Variants in CNTN4 observed in about 807,000 individuals in gnomAD.
CNTN4 encodes contactin 4.
A neutral mutation model predicts 122.5 loss-of-function variants in CNTN4; 77 were observed. The ratio of observed to expected loss-of-function variants is 0.63; its 90% CI spans 0.52 to 0.76. The LOEUF (loss-of-function observed/expected upper bound fraction) is 0.76. CNTN4 is among the 30% of genes least tolerant of loss of function. CNTN4 has a pLI of 0.00. For synonymous variants in CNTN4, 512 were observed against 447.0 expected, an observed-to-expected ratio of 1.15 and a Z score of -1.83; for missense variants, 1,256 against 1,259.1, an observed-to-expected ratio of 1.00 and a Z score of 0.04.
At chr3:2,689,879 A>T (rs1221983936) in intron 4 of CNTN4, among the ~76,000 whole-genome samples, 3 of 152,000 alleles carry the variant, frequency 2.0e-5, no homozygotes, top group African/African-American at 7.3e-5. Context: ...TGTTTCACAT[A>T]TATTCTTTAT....
At chr3:2,844,434 T>G (rs531574666) in intron 7 of CNTN4, among the ~76,000 whole-genome samples, 192 of 152,348 alleles carry the variant, frequency 1.3e-3, no homozygotes, top group African/African-American at 4.4e-3. Flanking sequence ...TGCAGTAGGC[T>G]GCTTTGGGGT....
At chr3:2,856,033 G>A (rs954954447) in intron 7 of CNTN4, among the ~76,000 whole-genome samples, 5 of 152,024 alleles carry the variant, frequency 3.3e-5, no homozygotes, top group African/African-American at 9.7e-5. Flanking sequence ...ATTTACAAGC[G>A]ACTTCTTTCT....
chr3:2,979,378 G>C (rs1213477882), intron 13 of CNTN4, among the ~76,000 whole-genome samples: 1 of 152,122 alleles, frequency 6.6e-6, no homozygotes, highest in African/African-American at 2.4e-5. Context: ...GAAGAGAAAA[G>C]AGAGAGAAAA....
At chr3:2,599,324 G>A (rs2080919103) in intron 4 of CNTN4, among the ~76,000 whole-genome samples, 1 of 152,194 alleles carries the variant, frequency 6.6e-6, no homozygotes, top group Non-Finnish European at 1.5e-5. Flanking sequence ...AAATGGTGAA[G>A]AAAGAATTTA....
chr3:2,707,788 C>T, intron 4 of CNTN4, among the ~76,000 whole-genome samples: 1 of 152,160 alleles, frequency 6.6e-6, no homozygotes, highest in Non-Finnish European at 1.5e-5. Context: ...CACATACCAC[C>T]ACACCTGGCT....
intron 14 of CNTN4, among the ~76,000 whole-genome samples, chr3:3,021,326 T>C (rs1698270100): frequency 1.3e-5 from 2 of 152,326 alleles, no homozygotes; most frequent in South Asian, 2.1e-4. Flanking sequence ...AATTCATCCG[T>C]AGAGATGCTA....
At chr3:2,188,857 A>G (rs566049840) in intron 2 of CNTN4, among the ~76,000 whole-genome samples, 87 of 152,270 alleles carry the variant, frequency 5.7e-4, no homozygotes, top group African/African-American at 2.1e-3. Flanking sequence ...AACAGCTACC[A>G]CAGACTAAGA....
chr3:2,701,597 G>A (rs751507890), intron 4 of CNTN4, among the ~76,000 whole-genome samples: 14 of 152,152 alleles, frequency 9.2e-5, no homozygotes, highest in East Asian at 7.7e-4. Flanking sequence ...TGGGGACAGC[G>A]CATGCGTAGC....
chr3:2,259,595 C>T (rs1412084115), intron 2 of CNTN4, among the ~76,000 whole-genome samples: 3 of 152,170 alleles, frequency 2.0e-5, no homozygotes, highest in African/African-American at 7.2e-5. Flanking sequence ...TCTTACATGG[C>T]TGCAGGCAAG....
intron 2 of CNTN4, among the ~76,000 whole-genome samples, chr3:2,191,493 C>G (rs1250834165): frequency 6.6e-6 from 1 of 152,042 alleles, no homozygotes; most frequent in African/African-American, 2.4e-5. Flanking sequence ...TGACCAGAGA[C>G]CTCTCAAACC....
intron 3 of CNTN4, among the ~76,000 whole-genome samples, chr3:2,450,419 G>A (rs572476113): frequency 5.3e-5 from 8 of 151,780 alleles, no homozygotes; most frequent in Non-Finnish European, 1.0e-4. Flanking sequence ...TGCCAGTCAG[G>A]TGTGTGTATA....
intron 2 of CNTN4, among the ~76,000 whole-genome samples, chr3:2,202,417 G>A (rs1214205678): frequency 1.3e-5 from 2 of 151,804 alleles, no homozygotes; most frequent in African/African-American, 4.8e-5. Flanking sequence ...ACTTGGGCAA[G>A]TCATTTACCT....
chr3:2,474,208 A>G (rs1301998853), intron 3 of CNTN4, among the ~76,000 whole-genome samples: 1 of 151,834 alleles, frequency 6.6e-6, no homozygotes, highest in Non-Finnish European at 1.5e-5. Flanking sequence ...GCATTTCATC[A>G]CATATATCGT....
Position 2,932,897 on chromosome 3 carries a change from C to A in CNTN4, c.1358+7118C>A, listed in dbSNP as rs528773980. ...GAGGGCAGTGGCGCGATCTCGGCTC[C>A]CTGCGAGCTCCGCCTCCCGGGTTCA... On this transcript the variant is annotated intron_variant, in intron 13 of 24. Transcript: ENST00000418658. Among the ~76,000 whole-genome samples, 105 of 152,104 alleles carry A rather than the reference C, an allele frequency of 6.9e-4. 1 individual carries two copies. Among genetic ancestry groups the A allele is most frequent in the Non-Finnish European group, 1.2e-3 (82 of 68,008 alleles).
chr3:2,468,228 A>T (rs947566194), intron 3 of CNTN4, among the ~76,000 whole-genome samples: 1 of 152,212 alleles, frequency 6.6e-6, no homozygotes, highest in Non-Finnish European at 1.5e-5. Flanking sequence ...AATAACAAAC[A>T]ATTTTAATGC....
chr3:3,043,645 A>T lies in CNTN4; in HGVS notation c.2752A>T (p.Ile918Phe). 1 of 1,614,126 alleles carries T rather than the reference A, an allele frequency of 6.2e-7. No individual in the cohort carries two copies. The highest frequency in any genetic ancestry group is 8.5e-7 in the Non-Finnish European group (1 of 1,179,954). The part of the protein sequence containing the change: ...IIWNSSDSKI[I>F]LNWDQVKALD... Reference sequence around the variant, plus strand: ...ATGGAATTCATCAGACTCCAAAATTATCCTGAATTGGGATCAAGTGAAGGC... The same window carrying T: ...ATGGAATTCATCAGACTCCAAAATTTTCCTGAATTGGGATCAAGTGAAGGC... The change falls in exon 23 of 25, where the codon ATC becomes TTC. Residue 918 changes from isoleucine to phenylalanine, a missense_variant. Transcript: ENST00000418658.
At chr3:2,176,567 G>A (rs982413732) in intron 2 of CNTN4, among the ~76,000 whole-genome samples, 3 of 152,094 alleles carry the variant, frequency 2.0e-5, no homozygotes, top group African/African-American at 7.2e-5. Context: ...AACAGTTCTA[G>A]TGGTATGCAC....
chr3:2,704,094 C>CA (rs1455495509), intron 4 of CNTN4, among the ~76,000 whole-genome samples: 1 of 151,458 alleles, frequency 6.6e-6, no homozygotes. Context: ...GTCAGGAGTT[C>CA]AAGATCAGCC....
At chr3:2,759,249 G>T (rs565406976) in intron 6 of CNTN4, among the ~76,000 whole-genome samples, 1 of 151,874 alleles carries the variant, frequency 6.6e-6, no homozygotes, top group Non-Finnish European at 1.5e-5. Context: ...TCTGCCTCCC[G>T]GCTTCAAGCT....
Sources: allele counts gnomAD v4.1 joint callset (sites outside exome capture counted in the v4.1 genomes callset), GRCh38; gene constraint gnomAD v4.1.1; transcripts MANE v1.5; gene names NCBI Gene and HGNC (gene_info 2026-07-23, HGNC 2026-07-21).